Variants in GNG7 observed in about 807,000 individuals in gnomAD.
The protein encoded by GNG7 is G protein subunit gamma 7.
Under a neutral mutation model 4.0 loss-of-function variants are expected in GNG7, and 1 was observed. The ratio of observed to expected loss-of-function variants is 0.25; its 90% confidence interval spans 0.09 to 1.18. The LOEUF is 1.18. GNG7 is among the 50% of genes most tolerant of loss of function. The probability of loss-of-function intolerance (pLI) is 0.50; values close to 1 mark genes in which losing one functional copy is unlikely to be tolerated. For missense variants in GNG7, 86 were observed against 91.9 expected, an observed-to-expected ratio of 0.94 and a Z score of 0.26; for synonymous variants, 34 against 36.9, an observed-to-expected ratio of 0.92 and a Z score of 0.29.
At chr19:2,667,180 C>A (rs1340697778) in intron 1 of GNG7, among the ~76,000 whole-genome samples, 1 of 152,036 alleles carries the variant, frequency 6.6e-6, no homozygotes, top group Non-Finnish European at 1.5e-5. Context: ...AAAAATCAGC[C>A]GGGCAAGGTG....
intron 2 of GNG7, among the ~76,000 whole-genome samples, chr19:2,607,738 G>GC (rs905862750): frequency 3.3e-5 from 5 of 151,832 alleles, no homozygotes; most frequent in African/African-American, 1.2e-4. Context: ...CGTGCCCTCC[G>GC]CCCCCCGCCC....
intron 1 of GNG7, among the ~76,000 whole-genome samples, chr19:2,696,237 G>A (rs528303836): frequency 7.0e-6 from 1 of 142,950 alleles, no homozygotes; most frequent in Non-Finnish European, 1.5e-5. Context: ...AGAGGAGAGA[G>A]AGAAAGAAAA....
intron 3 of GNG7, among the ~76,000 whole-genome samples, chr19:2,553,747 T>C (rs1321951910): frequency 6.7e-6 from 1 of 148,888 alleles, no homozygotes; most frequent in African/African-American, 2.4e-5. Flanking sequence ...ATGCAATATA[T>C]TACATATATG....
chr19:2,673,270 AAAC>A lies in GNG7; in HGVS notation c.-134-26993_-134-26991del, dbSNP rs1568281150. Among the ~76,000 whole-genome samples the A allele has an allele frequency of 6.0e-3, 885 of 146,896 alleles. 23 individuals carry two copies. Among genetic ancestry groups the A allele is most frequent in the African/African-American group, 0.022 (828 of 38,070 alleles). On this transcript the variant is annotated intron_variant, in intron 1 of 4. Coordinates refer to ENST00000382159, the MANE Select transcript of GNG7 (RefSeq NM_052847.3). ...GAGATTCCATCTCAAAAAAAAAACA[AAAC>A]AAAACAAAACAAAACAAAAAAAAAC...
In GNG7 at chr19:2,511,953, C is replaced by T. The variant is rs73514402; in HGVS notation, c.*3069G>A. On this transcript the variant is annotated 3_prime_UTR_variant, in exon 5 of 5. Transcript: ENST00000382159. This position sits in a 1 kb window ranked among gnomAD's most constrained non-coding sequence, Gnocchi z 6.3. ...GTGCCCAGGTGGGTCACAACAGGGTCGGGGCCTGGCCCGCTGTGGCCCTTC... is the reference window on the plus strand; with the variant it reads ...GTGCCCAGGTGGGTCACAACAGGGTTGGGGCCTGGCCCGCTGTGGCCCTTC... The T allele has an allele frequency of 4.7e-3, 4,671 of 985,846 alleles. 156 individuals are homozygous for T. The African/African-American group carries it at 0.068, about 14-fold the overall frequency. The allele number at this position is 985,846 out of a possible 1,614,324, so 61.1% of individuals were successfully genotyped here. A position where few individuals can be genotyped will look rare whatever the true frequency, so the allele number is the denominator to read the frequency against.
chr19:2,571,506 G>C (rs192359153), intron 2 of GNG7, among the ~76,000 whole-genome samples: 2 of 152,140 alleles, frequency 1.3e-5, no homozygotes, highest in East Asian at 3.9e-4. Context: ...GTAGCGTGCA[G>C]GGGTGGCTTG....
At chr19:2,603,578 G>A (rs1187065366) in intron 2 of GNG7, among the ~76,000 whole-genome samples, 2 of 152,208 alleles carry the variant, frequency 1.3e-5, no homozygotes, top group Non-Finnish European at 2.9e-5. Flanking sequence ...TTCACAGCCT[G>A]GACTGGAGAT....
chr19:2,543,030 A>G (rs1433210204), intron 3 of GNG7, among the ~76,000 whole-genome samples: 1 of 151,604 alleles, frequency 6.6e-6, no homozygotes, highest in South Asian at 2.1e-4. Flanking sequence ...CTCCTGCCTC[A>G]GTCTCCCGAG....
intron 2 of GNG7, among the ~76,000 whole-genome samples, chr19:2,555,857 G>T (rs962203131): frequency 6.6e-6 from 1 of 152,150 alleles, no homozygotes; most frequent in South Asian, 2.1e-4. Flanking sequence ...GCCGGACCCT[G>T]CACAGGGCCA....
At chr19:2,598,723 A>G (rs143732391) in intron 2 of GNG7, among the ~76,000 whole-genome samples, 2,331 of 140,120 alleles carry the variant, frequency 0.017, 67 homozygotes, top group African/African-American at 0.058. Flanking sequence ...TAATAATAAT[A>G]ATGCTACTTG....
At chr19:2,599,398 A>G (rs1434771951) in intron 2 of GNG7, among the ~76,000 whole-genome samples, 1 of 151,902 alleles carries the variant, frequency 6.6e-6, no homozygotes, top group Non-Finnish European at 1.5e-5. Flanking sequence ...GGGGAAGAGC[A>G]TTTCTAGGAC....
At chr19:2,598,675 TAAAATAATAATA>T (rs1385629781) in intron 2 of GNG7, among the ~76,000 whole-genome samples, 1 of 93,390 alleles carries the variant, frequency 1.1e-5, no homozygotes, top group Non-Finnish European at 2.1e-5. Context: ...TGAAAAGTAA[TAAAATAATAATA>T]ATAATAATAA....
At chr19:2,621,186 G>A (rs2144832513) in intron 2 of GNG7, among the ~76,000 whole-genome samples, 1 of 152,238 alleles carries the variant, frequency 6.6e-6, no homozygotes, top group East Asian at 1.9e-4. Context: ...TGTCCACGGG[G>A]AACCTCGGAA....
chr19:2,526,779 AT>A (rs1252635121), intron 3 of GNG7, among the ~76,000 whole-genome samples: 1 of 150,074 alleles, frequency 6.7e-6, no homozygotes, highest in African/African-American at 2.4e-5. Context: ...TTAGATTACT[AT>A]TTTATATCTG....
At chr19:2,678,616 T>C (rs931473421) in intron 1 of GNG7, among the ~76,000 whole-genome samples, 2 of 151,570 alleles carry the variant, frequency 1.3e-5, no homozygotes, top group Non-Finnish European at 2.9e-5. Context: ...AGTTTCCCCA[T>C]CCACAACACA....
At chr19:2,658,831 T>C (rs1296170536) in intron 1 of GNG7, among the ~76,000 whole-genome samples, 1 of 152,152 alleles carries the variant, frequency 6.6e-6, no homozygotes, top group Non-Finnish European at 1.5e-5. Flanking sequence ...AATGCGTACC[T>C]TTTCGGGGAG....
rs946941185 is a variant in GNG7, at chr19:2,560,349, T to C, written c.-77-5161A>G. ...CCCACATCACCCCATCCCCCAGGTC[T>C]GTCTCCCACCGGCCCCCAGGGTCGA... On this transcript the variant is annotated intron_variant, in intron 2 of 4. Transcript: ENST00000382159. Among the ~76,000 whole-genome samples, 3 of 152,042 alleles carry C rather than the reference T, an allele frequency of 2.0e-5. No homozygotes were observed. The East Asian group carries it at 5.8e-4, about 29-fold the overall frequency.
At chr19:2,519,154 T>TC (rs1367385775) in intron 4 of GNG7, among the ~76,000 whole-genome samples, 15 of 139,178 alleles carry the variant, frequency 1.1e-4, no homozygotes, top group African/African-American at 4.0e-4. Context: ...TTCTTTTTTT[T>TC]TTTTTTTTTT....
In GNG7 at chr19:2,537,120, G is replaced by C. The variant is rs540534997; in HGVS notation, c.-37-16395C>G. Reference sequence around the variant, plus strand: ...CGCCACCGCGCCCGGCTAATTTTTTGTATTTTGTTTAGTAGAGACGGGGTT... The same window carrying C: ...CGCCACCGCGCCCGGCTAATTTTTTCTATTTTGTTTAGTAGAGACGGGGTT... On this transcript the variant is annotated intron_variant, in intron 3 of 4. Transcript: ENST00000382159. 2.7e-5 allele frequency among the ~76,000 whole-genome samples: 4 copies of C among 147,888 alleles called. No individual in the cohort carries two copies. The South Asian group carries it at 8.6e-4, about 32-fold the overall frequency.
Sources: gnomAD v4.1 joint callset for allele counts (sites outside exome capture counted in the v4.1 genomes callset) on GRCh38, gnomAD v4.1.1 for gene constraint, Gnocchi (gnomAD v3.1) non-coding constraint, MANE v1.5 for transcripts, NCBI Gene and HGNC (gene_info 2026-07-23, HGNC 2026-07-21) for gene names.